TIGAR: variants seen among roughly 807,000 people sequenced by gnomAD.
The protein encoded by TIGAR is TP53 induced glycolysis regulatory phosphatase.
A neutral mutation model predicts 17.9 loss-of-function variants in TIGAR; 7 were observed. That is an observed-to-expected ratio of 0.39 (90% CI 0.22 to 0.73). The LOEUF (loss-of-function observed/expected upper bound fraction) is 0.73, where lower values mean the gene tolerates loss of function less well. Among genes scored for constraint, TIGAR ranks in the 30% least tolerant of loss-of-function variants. The pLI is 0.42. For synonymous variants in TIGAR, 94 were observed against 108.6 expected, an observed-to-expected ratio of 0.87 and a Z score of 0.84; for missense variants, 258 against 327.4, an observed-to-expected ratio of 0.79 and a Z score of 1.64.
At chr12:4,336,442 TG>T (rs1483386328) in intron 2 of TIGAR, among the ~76,000 whole-genome samples, 1 of 129,824 alleles carries the variant, frequency 7.7e-6, no homozygotes, top group Non-Finnish European at 1.6e-5. Context: ...GGCCCAGCAA[TG>T]CAGCACACAC....
At chr12:4,328,348 C>A (rs745962714) in intron 1 of TIGAR, among the ~76,000 whole-genome samples, 1 of 151,238 alleles carries the variant, frequency 6.6e-6, no homozygotes, top group Non-Finnish European at 1.5e-5. Context: ...CCTGCCACCA[C>A]GCCTGGCTAA....
At chr12:4,343,429 C>T (rs949847617) in intron 3 of TIGAR, among the ~76,000 whole-genome samples, 5 of 152,232 alleles carry the variant, frequency 3.3e-5, no homozygotes, top group Admixed American at 1.3e-4. Flanking sequence ...ACAGAATATA[C>T]ATTCTTCTCA....
chr12:4,334,056 T>C lies in TIGAR; in HGVS notation c.70+2739T>C, dbSNP rs550924435. Among the ~76,000 whole-genome samples, 5 of 152,050 alleles carry C rather than the reference T, an allele frequency of 3.3e-5. No individual in the cohort carries two copies. The South Asian group carries it at 6.2e-4, about 19-fold the overall frequency. On this transcript the variant is annotated intron_variant, in intron 2 of 5. Transcript: ENST00000179259. ...TTTACTTCTTAAGTTCTTGGTTTTT[T>C]TCCTGTTCCACACTTTCTTACTTTC... is the stretch of plus-strand genomic sequence containing the variant.
At chr12:4,327,428 G>A (rs1024642942) in intron 1 of TIGAR, among the ~76,000 whole-genome samples, 24 of 148,284 alleles carry the variant, frequency 1.6e-4, no homozygotes, top group Non-Finnish European at 3.0e-4. Context: ...AAAAAAAAAA[G>A]AAAGAAAGGA....
intron 1 of TIGAR, among the ~76,000 whole-genome samples, chr12:4,322,591 G>A (rs1864492731): frequency 6.6e-6 from 1 of 152,202 alleles, no homozygotes; most frequent in Non-Finnish European, 1.5e-5. Context: ...CAGTAGACTG[G>A]ATCATACAGA....
rs547082634 is a variant in TIGAR at position 4,346,061 on chromosome 12, G to A, written c.193-3758G>A. On this transcript the variant is annotated intron_variant, in intron 3 of 5. Transcript: ENST00000179259. ...CAAATCAAAACCACAATGAGATACC[G>A]TCTCACACCAGTTAGAATGGCAATC... is the stretch of plus-strand genomic sequence containing the variant. Among the ~76,000 whole-genome samples, 392 of 152,196 alleles carry A rather than the reference G, an allele frequency of 2.6e-3. 3 individuals are homozygous for A. Among genetic ancestry groups the A allele is most frequent in the African/African-American group, 8.5e-3 (354 of 41,510 alleles).
intron 3 of TIGAR, among the ~76,000 whole-genome samples, chr12:4,340,981 A>C (rs1352030950): frequency 6.6e-6 from 1 of 152,238 alleles, no homozygotes; most frequent in Non-Finnish European, 1.5e-5. Flanking sequence ...TGTTCTGGCC[A>C]GAGATTTCTT....
Position 4,321,229 on chromosome 12 carries a change from G to T in TIGAR, c.-43G>T. On this transcript the variant is annotated 5_prime_UTR_variant, in exon 1 of 6. Transcript: ENST00000179259. The surrounding 1 kb of genome is among the most constrained non-coding windows in gnomAD (Gnocchi z 5.2). Reference sequence around the variant, plus strand: ...GGGGGAGGTAGCCCGCAGTGCAGGGGCAGCGCGGCGCGGGGCCACCGACGG... The same window carrying T: ...GGGGGAGGTAGCCCGCAGTGCAGGGTCAGCGCGGCGCGGGGCCACCGACGG... The T allele has an allele frequency of 6.3e-7, 1 of 1,598,180 alleles. No homozygotes were observed. Among genetic ancestry groups the T allele is most frequent in the Non-Finnish European group, 8.5e-7 (1 of 1,179,512 alleles).
At chr12:4,325,845 T>G (rs1400608425) in intron 1 of TIGAR, among the ~76,000 whole-genome samples, 3 of 152,140 alleles carry the variant, frequency 2.0e-5, no homozygotes, top group Non-Finnish European at 4.4e-5. Flanking sequence ...GAATTAGGAC[T>G]AAGCTGTATT....
chr12:4,345,284 A>G (rs1331127491), intron 3 of TIGAR, among the ~76,000 whole-genome samples: 1 of 152,244 alleles, frequency 6.6e-6, no homozygotes, highest in Non-Finnish European at 1.5e-5. Flanking sequence ...GAACCAAAAA[A>G]GAGCCCACAT....
intron 2 of TIGAR, chr12:4,335,612 A>G (rs1864649492): frequency 6.6e-6 from 1 of 152,280 alleles, no homozygotes; most frequent in South Asian, 2.1e-4. Context: ...GAACCCAACC[A>G]TGATGGTACC....
chr12:4,349,109 G>A (rs1864810535), intron 3 of TIGAR, among the ~76,000 whole-genome samples: 1 of 151,820 alleles, frequency 6.6e-6, no homozygotes, highest in South Asian at 2.1e-4. Flanking sequence ...ATGGGGATTA[G>A]TAAACATTTT....
At chr12:4,338,820 T>A (rs1055689088) in intron 3 of TIGAR, among the ~76,000 whole-genome samples, 2 of 151,412 alleles carry the variant, frequency 1.3e-5, no homozygotes, top group Admixed American at 1.3e-4. Flanking sequence ...TCCACTGAAA[T>A]AACAAATCTG....
chr12:4,330,764 A>G (rs1864595182), intron 1 of TIGAR, among the ~76,000 whole-genome samples: 1 of 152,180 alleles, frequency 6.6e-6, no homozygotes, highest in Non-Finnish European at 1.5e-5. Context: ...GGTCTGCGAG[A>G]TAGCTGTCAG....
intron 2 of TIGAR, among the ~76,000 whole-genome samples, chr12:4,336,491 C>G (rs1268964945): frequency 6.6e-6 from 1 of 150,576 alleles, no homozygotes; most frequent in Non-Finnish European, 1.5e-5. Context: ...CACACACACA[C>G]ACACTCACAC....
rs1014361786 is a variant in TIGAR at position 4,342,252 on chromosome 12, A to C, written c.192+5092A>C. The stretch of plus-strand genomic sequence containing the variant: ...GGGACTATGTGAAAAGACCAAATCT[A>C]TGTCTGATTGGTGTACCTGAAAGTG... On this transcript the variant is annotated intron_variant, in intron 3 of 5. Coordinates refer to ENST00000179259, the MANE Select transcript of TIGAR (RefSeq NM_020375.3). Among the ~76,000 whole-genome samples, 38 of 150,310 alleles carry C rather than the reference A, an allele frequency of 2.5e-4. 1 individual carries two copies. The highest frequency in any genetic ancestry group is 9.1e-4 in the African/African-American group (36 of 39,610).
chr12:4,351,197 CCATAAA>C (rs1864834246), intron 4 of TIGAR, 64 bp from the exon 5 acceptor site: 3 of 1,407,898 alleles, frequency 2.1e-6, no homozygotes, highest in Non-Finnish European at 2.0e-6. Context: ...TCTAAATTTG[CCATAAA>C]CATAAACTTA....
rs1226744825 is a variant in TIGAR, at chr12:4,355,682, A to G, written c.*2991A>G. Among the ~76,000 whole-genome samples, 1 of 152,272 alleles carries G rather than the reference A, an allele frequency of 6.6e-6. No individual in the cohort carries two copies. The highest frequency in any genetic ancestry group is 1.5e-5 in the Non-Finnish European group (1 of 68,046). Reference sequence around the variant, plus strand: ...TGAATATGTAGCCATGAACCAAAACAAAGTCTCTGTCCTTGTGGAACATTT... The same window carrying G: ...TGAATATGTAGCCATGAACCAAAACGAAGTCTCTGTCCTTGTGGAACATTT... On this transcript the variant is annotated 3_prime_UTR_variant, in exon 6 of 6. Transcript: ENST00000179259.
chr12:4,341,544 C>T (rs921392708), intron 3 of TIGAR, among the ~76,000 whole-genome samples: 1 of 152,214 alleles, frequency 6.6e-6, no homozygotes, highest in Non-Finnish European at 1.5e-5. Context: ...GACAAAACTT[C>T]CAGAGGAGCG....
Sources: allele counts gnomAD v4.1 joint callset (sites outside exome capture counted in the v4.1 genomes callset), GRCh38; gene constraint gnomAD v4.1.1; non-coding constraint Gnocchi (gnomAD v3.1); transcripts MANE v1.5; gene names NCBI Gene and HGNC (gene_info 2026-07-23, HGNC 2026-07-21).